The following TMEM132D variants were observed in gnomAD, a reference collection of about 807,000 sequenced individuals.
TMEM132D encodes the protein transmembrane protein 132D.
TMEM132D carries 21 observed loss-of-function variants against 62.3 expected under a neutral mutation model. The ratio of observed to expected loss-of-function variants is 0.34; its 90% confidence interval spans 0.24 to 0.49. The LOEUF (loss-of-function observed/expected upper bound fraction) is 0.49, where lower values mean the gene tolerates loss of function less well. TMEM132D is among the 20% of genes least tolerant of loss of function. The pLI is 0.99. For synonymous variants in TMEM132D, 621 were observed against 575.6 expected (o/e 1.08, Z -1.13); for missense variants, 1,346 against 1,402.8 (o/e 0.96, Z 0.65).
intron 3 of TMEM132D, among the ~76,000 whole-genome samples, chr12:129,410,970 A>C (rs1871952016): frequency 6.9e-6 from 1 of 144,366 alleles, no homozygotes; most frequent in Non-Finnish European, 1.5e-5. Context: ...AATTTTTTTA[A>C]GTTTATGATG....
intron 2 of TMEM132D, among the ~76,000 whole-genome samples, chr12:129,598,468 T>C (rs1016015897): frequency 6.6e-6 from 1 of 152,194 alleles, no homozygotes; most frequent in African/African-American, 2.4e-5. Flanking sequence ...CCAGCTCTAC[T>C]GCAAAATTAG....
chr12:129,088,832 G>A (rs1874780823), intron 5 of TMEM132D, among the ~76,000 whole-genome samples: 1 of 37,764 alleles, frequency 2.6e-5, no homozygotes, highest in Non-Finnish European at 4.6e-5. Flanking sequence ...CTCCATGACC[G>A]GGATGTCCTC....
chr12:129,572,330 C>A (rs1209708542), intron 2 of TMEM132D, among the ~76,000 whole-genome samples: 1 of 152,210 alleles, frequency 6.6e-6, no homozygotes, highest in Non-Finnish European at 1.5e-5. Flanking sequence ...CAGAGGGAGG[C>A]CTGCCCTGGA....
intron 3 of TMEM132D, 47 bp downstream of exon 3, chr12:129,531,012 C>A: frequency 4.9e-6 from 7 of 1,420,242 alleles, no homozygotes; most frequent in South Asian, 4.5e-5. Context: ...AAAATCAGGC[C>A]ACATTTGCAG....
At chr12:129,661,525 A>G (rs1289191879) in intron 2 of TMEM132D, among the ~76,000 whole-genome samples, 1 of 152,232 alleles carries the variant, frequency 6.6e-6, no homozygotes, top group Non-Finnish European at 1.5e-5. Context: ...CCTCCATGTT[A>G]TTAAACTTCT....
chr12:129,701,567 A>G (rs1307748299), intron 1 of TMEM132D, among the ~76,000 whole-genome samples: 2 of 152,180 alleles, frequency 1.3e-5, no homozygotes, highest in Non-Finnish European at 2.9e-5. Flanking sequence ...AACAAAATCC[A>G]TTGTTCATTT....
At chr12:129,355,944 G>A (rs917459630) in intron 3 of TMEM132D, among the ~76,000 whole-genome samples, 3 of 152,114 alleles carry the variant, frequency 2.0e-5, no homozygotes, top group South Asian at 2.1e-4. Flanking sequence ...CAGCAGGATC[G>A]CTTGCCCTCC....
At chr12:129,190,118 TTGGG>T (rs1565992306) in intron 5 of TMEM132D, among the ~76,000 whole-genome samples, 6 of 14,192 alleles carry the variant, frequency 4.2e-4, no homozygotes, top group East Asian at 0.015. Context: ...GGGAGGGGTC[TTGGG>T]GGCCTGCAGA....
At chr12:129,681,467 C>A (rs1441826875) in intron 2 of TMEM132D, 2 of 152,192 alleles carry the variant, frequency 1.3e-5, no homozygotes, top group African/African-American at 4.8e-5. Flanking sequence ...ACAGGAGAGG[C>A]TGGAAGACAG....
intron 1 of TMEM132D, among the ~76,000 whole-genome samples, chr12:129,862,669 G>A (rs1217146271): frequency 6.6e-6 from 1 of 152,130 alleles, no homozygotes; most frequent in Non-Finnish European, 1.5e-5. Flanking sequence ...CATGCTGGAG[G>A]ACTGTTTATT....
At chr12:129,219,896 C>T (rs886898036) in intron 4 of TMEM132D, among the ~76,000 whole-genome samples, 1 of 152,124 alleles carries the variant, frequency 6.6e-6, no homozygotes, top group African/African-American at 2.4e-5. Context: ...GGCCTTGCAC[C>T]TTTTGGGAGC....
chr12:129,791,031 A>G (rs1871388040), intron 1 of TMEM132D, among the ~76,000 whole-genome samples: 2 of 152,216 alleles, frequency 1.3e-5, no homozygotes, highest in African/African-American at 4.8e-5. Context: ...TTCATTTCTG[A>G]TATCTATATT....
chr12:129,549,997 A>C (rs1052790242), intron 2 of TMEM132D, among the ~76,000 whole-genome samples: 1 of 152,162 alleles, frequency 6.6e-6, no homozygotes, highest in African/African-American at 2.4e-5. Flanking sequence ...GTCTTAGGAA[A>C]ACCTTCTCTG....
At chr12:129,648,148 G>A (rs1187017829) in intron 2 of TMEM132D, among the ~76,000 whole-genome samples, 1 of 152,042 alleles carries the variant, frequency 6.6e-6, no homozygotes, top group Non-Finnish European at 1.5e-5. Context: ...CGCTCCTATG[G>A]ATAACATCAC....
intron 1 of TMEM132D, among the ~76,000 whole-genome samples, chr12:129,734,424 C>T (rs1172732213): frequency 6.6e-6 from 1 of 152,188 alleles, no homozygotes; most frequent in Admixed American, 6.5e-5. Flanking sequence ...CTGACCATCC[C>T]TGTTTTTCTC....
chr12:129,412,295 G>A (rs1436066656), intron 3 of TMEM132D, among the ~76,000 whole-genome samples: 1 of 152,154 alleles, frequency 6.6e-6, no homozygotes, highest in African/African-American at 2.4e-5. Flanking sequence ...TTCTGTAGAA[G>A]GCATCGCTAG....
In TMEM132D at chr12:129,636,737, T is replaced by TGTGTGTGTGTGAGAGAGA. The variant is rs375868329; in HGVS notation, c.968+63072_968+63073insTCTCTCTCACACACACAC. On this transcript the variant is annotated intron_variant, in intron 2 of 8. Transcript: ENST00000422113. ...GTGTGTGTGTGTGTGTGTGTGTGTG[T>TGTGTGTGTGTGAGAGAGA]GAGAGAGAGAGAGAGAGAGACAGAG... Among the ~76,000 whole-genome samples, 822 of 113,542 alleles carry TGTGTGTGTGTGAGAGAGA rather than the reference T, an allele frequency of 7.2e-3. 3 individuals are homozygous for TGTGTGTGTGTGAGAGAGA. The highest frequency in any genetic ancestry group is 0.021 in the Middle Eastern group (4 of 190). 74.5% of individuals were successfully genotyped at this position (113,542 alleles called of 152,430 possible).
At chr12:129,793,987 C>T in intron 1 of TMEM132D, among the ~76,000 whole-genome samples, 1 of 152,066 alleles carries the variant, frequency 6.6e-6, no homozygotes, top group East Asian at 1.9e-4. Context: ...CACACAAATA[C>T]ATACACACAC....
At chr12:129,430,873 A>G (rs1872635758) in intron 3 of TMEM132D, among the ~76,000 whole-genome samples, 1 of 152,238 alleles carries the variant, frequency 6.6e-6, no homozygotes, top group South Asian at 2.1e-4. Flanking sequence ...AGATAGGGAA[A>G]GAGCTCAGGA....
Sources: allele counts gnomAD v4.1 joint callset (sites outside exome capture counted in the v4.1 genomes callset), GRCh38; gene constraint gnomAD v4.1.1; transcripts MANE v1.5; gene names NCBI Gene and HGNC (gene_info 2026-07-23, HGNC 2026-07-21).